The following FAM186B variants were observed in gnomAD, a reference collection of about 807,000 sequenced individuals.
FAM186B encodes the protein protein FAM186B.
Under a neutral mutation model 83.4 loss-of-function variants are expected in FAM186B, and 68 were observed. That is an observed-to-expected ratio of 0.81 (90% CI 0.67 to 1.00). The LOEUF (loss-of-function observed/expected upper bound fraction) is 1.00, where lower values mean the gene tolerates loss of function less well. Ranked by LOEUF, FAM186B falls within the 50% of genes least tolerant of loss-of-function variation. The pLI, the probability that FAM186B is intolerant of heterozygous loss-of-function variation, is 0.00. For synonymous variants in FAM186B, 389 were observed against 422.0 expected, an observed-to-expected ratio of 0.92 and a Z score of 0.96; for missense variants, 983 against 1,099.2, an observed-to-expected ratio of 0.89 and a Z score of 1.49.
At chr12:49,594,916 C>A (rs577979651) in intron 5 of FAM186B, among the ~76,000 whole-genome samples, 1 of 151,152 alleles carries the variant, frequency 6.6e-6, no homozygotes, top group South Asian at 2.1e-4. Flanking sequence ...AAGATAATAT[C>A]CACGAAATAC....
downstream of FAM186B, chr12:49,584,372 A>T: frequency 1.6e-6 from 1 of 636,230 alleles, no homozygotes; most frequent in Admixed American, 2.3e-5. Flanking sequence ...AGTACTCAGC[A>T]ACCCCCAGAG....
chr12:49,600,851 G>T lies in FAM186B; in HGVS notation c.789C>A (p.His263Gln). The change falls in exon 4 of 7, where the codon CAC becomes CAA. Residue 263 changes from histidine (H) to glutamine (Q), a missense_variant. Transcript: ENST00000257894. This position sits in a 1 kb window ranked among gnomAD's most constrained non-coding sequence, Gnocchi z 4.3. ...GCTCTTTGGTCGCCTGCATTTGCAG[G>T]TGCCTGTATTTGGTCTCCAGGCTCC... is the stretch of plus-strand genomic sequence containing the variant. ...ENRSLETKYR[H>Q]LQMQATKELS... 6.2e-7 allele frequency: 1 copy of T among 1,612,902 alleles called. No individual in the cohort carries two copies. The highest frequency in any genetic ancestry group is 1.3e-5 in the African/African-American group (1 of 74,872).
chr12:49,596,077 G>A (rs933369311), intron 5 of FAM186B, among the ~76,000 whole-genome samples: 1 of 152,108 alleles, frequency 6.6e-6, no homozygotes, highest in East Asian at 1.9e-4. Context: ...CACTGTGTTC[G>A]CTCTAGACAA....
At position 49,587,657 on chromosome 12, in the gene FAM186B, TC is replaced by T; in HGVS notation, c.2629del (p.Asp877ThrfsTer3). 1 of 1,613,630 alleles carries T rather than the reference TC, an allele frequency of 6.2e-7. No homozygotes were observed. The highest frequency in any genetic ancestry group is 8.5e-7 in the Non-Finnish European group (1 of 1,180,000). Reference protein sequence around the residue: ...EKKTPASLPRDQLRGHPDIPR... With the variant: ...EKKTPASLPRXQLRGHPDIPR... ...AATATCTGGGTGTCCCCTCAGCTGGTCCCGGGGAAGGCTGGCAGGGGTCTTT... is the reference window on the plus strand; with the variant it reads ...AATATCTGGGTGTCCCCTCAGCTGGTCCGGGGAAGGCTGGCAGGGGTCTTT... On this transcript the variant is annotated frameshift_variant, in exon 7 of 7. Coordinates refer to ENST00000257894, the MANE Select transcript of FAM186B (RefSeq NM_032130.3). LOFTEE classifies it low-confidence loss of function (END_TRUNC).
the FAM186B span, chr12:49,619,266 G>A: frequency 9.5e-5 from 24 of 252,604 alleles, no homozygotes; most frequent in South Asian, 2.6e-3. Flanking sequence ...AGGCACAGGT[G>A]GGGATCAGAA....
the FAM186B span, among the ~76,000 whole-genome samples, chr12:49,621,306 C>T: frequency 2.0e-5 from 3 of 152,170 alleles, no homozygotes; most frequent in Non-Finnish European, 4.4e-5. Flanking sequence ...TAGCTTGAAC[C>T]CGGGTGGTAG....
At chr12:49,595,242 A>T (rs922548818) in intron 5 of FAM186B, 1 of 677,086 alleles carries the variant, frequency 1.5e-6, no homozygotes, top group Non-Finnish European at 2.6e-6. Context: ...TGGCTGGAAA[A>T]GACCCAGTAC....
At chr12:49,618,989 A>T in the FAM186B span, among the ~76,000 whole-genome samples, 1 of 152,218 alleles carries the variant, frequency 6.6e-6, no homozygotes, top group South Asian at 2.1e-4. Context: ...AGAGGGGAAA[A>T]GTCACCTAGA....
rs1337994183 is a variant in FAM186B at position 49,599,136 on chromosome 12, G to A, written c.2172-189C>T. Among the ~76,000 whole-genome samples the A allele has an allele frequency of 2.0e-5, 3 of 152,096 alleles. 1 individual carries two copies. The highest frequency in any genetic ancestry group is 4.4e-5 in the Non-Finnish European group (3 of 68,000). ...ATGAAGTGAGGAGCCTCAGGGCTGG[G>A]ATGAAACAGAAAGAGAAAGGAAAGA... On this transcript the variant is annotated intron_variant, in intron 4 of 6. Coordinates refer to ENST00000257894, the MANE Select transcript of FAM186B (RefSeq NM_032130.3).
the FAM186B span, among the ~76,000 whole-genome samples, chr12:49,614,288 A>C: frequency 6.6e-6 from 1 of 152,238 alleles, no homozygotes; most frequent in Non-Finnish European, 1.5e-5. Flanking sequence ...TCACAGTGCC[A>C]TTCACAATAG....
Position 49,601,066 on chromosome 12 carries a change from G to A in FAM186B, c.574C>T (p.Pro192Ser). ...TGGAGCATCTGTTCTGGGCTTAGTG[G>A]CTGAGGATGGGATGGAGATGTCTGT... ...SPQTSPSHPQ[P>S]LSPEQMLQDQ... Residue 192 changes from proline (P) to serine (S), a missense_variant, in exon 4 of 7, where the codon CCA becomes TCA. Coordinates refer to ENST00000257894, the MANE Select transcript of FAM186B (RefSeq NM_032130.3). 6.2e-7 allele frequency: 1 copy of A among 1,610,798 alleles called. No individual in the cohort carries two copies. Among genetic ancestry groups the A allele is most frequent in the Non-Finnish European group, 8.5e-7 (1 of 1,177,908 alleles).
chr12:49,584,769 C>G (rs888734721), downstream of FAM186B, among the ~76,000 whole-genome samples: 1 of 152,188 alleles, frequency 6.6e-6, no homozygotes, highest in Non-Finnish European at 1.5e-5. Flanking sequence ...AACGTCCTCC[C>G]AAGTCCCAGG....
downstream of FAM186B, among the ~76,000 whole-genome samples, chr12:49,586,938 G>A (rs1939455801): frequency 2.0e-5 from 3 of 152,306 alleles, no homozygotes; most frequent in Admixed American, 2.0e-4. Context: ...GGTCTAGACT[G>A]GAGGCATCAG....
intron 5 of FAM186B, among the ~76,000 whole-genome samples, chr12:49,591,953 A>AT (rs1188284660): frequency 7.9e-5 from 12 of 152,086 alleles, no homozygotes; most frequent in Non-Finnish European, 1.6e-4. Flanking sequence ...ACAACCATCT[A>AT]TTTTTTTCTC....
intron 5 of FAM186B, among the ~76,000 whole-genome samples, chr12:49,592,149 T>G (rs1939594494): frequency 6.6e-6 from 1 of 152,186 alleles, no homozygotes; most frequent in Non-Finnish European, 1.5e-5. Context: ...AATAATATTA[T>G]TTGAAAGTAG....
At chr12:49,594,461 A>G (rs1189572957) in intron 5 of FAM186B, among the ~76,000 whole-genome samples, 2 of 152,226 alleles carry the variant, frequency 1.3e-5, no homozygotes, top group African/African-American at 4.8e-5. Flanking sequence ...CTTAACTATG[A>G]TAAAGTTTAA....
intron 6 of FAM186B, 86 bp downstream of exon 6, chr12:49,588,368 C>G: frequency 1.3e-6 from 2 of 1,487,394 alleles, no homozygotes; most frequent in East Asian, 4.6e-5. Flanking sequence ...GCCCTCACTT[C>G]ACTGCCCACC....
rs755954009 is a variant in FAM186B, at chr12:49,597,784, G to T, written c.2364+971C>A. Among the ~76,000 whole-genome samples, 3 of 152,198 alleles carry T rather than the reference G, an allele frequency of 2.0e-5. No homozygotes were observed. In the East Asian group the frequency reaches 5.8e-4, roughly 29 times the overall value. Reference sequence around the variant, plus strand: ...AATAAATAATAAAAATTGTGGCCGGGTGTGGTGGCTCATGCCTGTAATCCC... The same window carrying T: ...AATAAATAATAAAAATTGTGGCCGGTTGTGGTGGCTCATGCCTGTAATCCC... On this transcript the variant is annotated intron_variant, in intron 5 of 6. Coordinates refer to ENST00000257894, the MANE Select transcript of FAM186B (RefSeq NM_032130.3).
At chr12:49,588,426 G>A in intron 6 of FAM186B, 28 bp downstream of exon 6, 1 of 1,591,112 alleles carries the variant, frequency 6.3e-7, no homozygotes, top group Non-Finnish European at 8.6e-7. Flanking sequence ...CCATACAGCT[G>A]CTGCCCCCTC....
Sources: allele counts gnomAD v4.1 joint callset (sites outside exome capture counted in the v4.1 genomes callset), GRCh38; gene constraint gnomAD v4.1.1; non-coding constraint Gnocchi (gnomAD v3.1); transcripts MANE v1.5; gene names NCBI Gene and HGNC (gene_info 2026-07-23, HGNC 2026-07-21).